KCNMB2: variants seen among roughly 807,000 people sequenced by gnomAD.
KCNMB2 encodes the protein calcium-activated potassium channel subunit beta-2.
Under a neutral mutation model 24.5 loss-of-function variants are expected in KCNMB2, and 9 were observed. The observed-to-expected ratio is 0.37, with a 90% CI of 0.22 to 0.64. The LOEUF is 0.64. Among genes scored for constraint, KCNMB2 ranks in the 30% least tolerant of loss-of-function variants. The pLI is 0.63. For missense variants in KCNMB2, 226 were observed against 284.3 expected (o/e 0.79, Z 1.47); for synonymous variants, 109 against 104.4 (o/e 1.04, Z -0.27).
chr3:178,598,813 A>T (rs930747512), intron 1 of KCNMB2, among the ~76,000 whole-genome samples: 1 of 152,080 alleles, frequency 6.6e-6, no homozygotes, highest in Admixed American at 6.6e-5. Flanking sequence ...CTTATGTGTC[A>T]TATTAAGAGG....
chr3:178,651,287 A>G (rs1560148840), intron 1 of KCNMB2, among the ~76,000 whole-genome samples: 1 of 152,258 alleles, frequency 6.6e-6, no homozygotes, highest in Non-Finnish European at 1.5e-5. Flanking sequence ...CACCAAACAG[A>G]GAGCCAAATC....
chr3:178,726,208 G>T (rs1722963317), intron 1 of KCNMB2, among the ~76,000 whole-genome samples: 1 of 151,754 alleles, frequency 6.6e-6, no homozygotes, highest in Admixed American at 6.6e-5. Context: ...CACCAAATAG[G>T]TTCCTTTATC....
In KCNMB2 at chr3:178,763,067, A is replaced by G. The variant is rs568701313; in HGVS notation, c.-67-44276A>G. ...TAAAGGCATGGAACTAGATGAGGTCATCTAGGAAGGAAGGATGTATAGATT... is the reference window on the plus strand; with the variant it reads ...TAAAGGCATGGAACTAGATGAGGTCGTCTAGGAAGGAAGGATGTATAGATT... On this transcript the variant is annotated intron_variant, in intron 1 of 4. Coordinates refer to ENST00000452583, the MANE Select transcript of KCNMB2 (RefSeq NM_181361.3). 5.3e-4 allele frequency among the ~76,000 whole-genome samples: 80 copies of G among 152,290 alleles called. 1 individual carries two copies. The South Asian group carries it at 0.016, about 30-fold the overall frequency.
intron 1 of KCNMB2, among the ~76,000 whole-genome samples, chr3:178,546,809 G>C (rs1715789269): frequency 6.6e-6 from 1 of 152,220 alleles, no homozygotes; most frequent in Non-Finnish European, 1.5e-5. Flanking sequence ...CTTTCCAAAG[G>C]TATCTATGAC....
rs1324497740 is a variant in KCNMB2 at position 178,842,792 on chromosome 3, C to T, written c.563C>T (p.Thr188Ile). Residue 188 changes from threonine to isoleucine, a missense_variant, in exon 5 of 5, where the codon ACA becomes ATA. Coordinates refer to ENST00000452583, the MANE Select transcript of KCNMB2 (RefSeq NM_181361.3). Reference sequence around the variant, plus strand: ...GGAAACCAGAAGAGTGTTATCCTAACAAAACTCTACAGTTCCAACGTGCTG... The same window carrying T: ...GGAAACCAGAAGAGTGTTATCCTAATAAAACTCTACAGTTCCAACGTGCTG... ...PEGNQKSVILTKLYSSNVLFH... is the reference protein window; with the variant it reads ...PEGNQKSVILIKLYSSNVLFH... 1 of 1,613,940 alleles carries T rather than the reference C, an allele frequency of 6.2e-7. No individual in the cohort carries two copies. Among genetic ancestry groups the T allele is most frequent in the African/African-American group, 1.3e-5 (1 of 75,008 alleles).
At position 178,639,473 on chromosome 3, in the gene KCNMB2, G is replaced by C. The variant is rs115598193; in HGVS notation, c.-68+102762G>C. Among the ~76,000 whole-genome samples the C allele has an allele frequency of 7.7e-3, 1,168 of 152,240 alleles. 15 individuals carry two copies. The highest frequency in any genetic ancestry group is 0.027 in the African/African-American group (1,130 of 41,548). ...GTTATTTACTACTAGTTGTGTTATC[G>C]TGAGCAAAGTATTTAACCTCTCTGA... On this transcript the variant is annotated intron_variant, in intron 1 of 4. Transcript: ENST00000452583.
chr3:178,821,629 T>G (rs1165982446), intron 2 of KCNMB2, among the ~76,000 whole-genome samples: 1 of 152,170 alleles, frequency 6.6e-6, no homozygotes, highest in Non-Finnish European at 1.5e-5. Flanking sequence ...GTACAATCAC[T>G]TTCTTCCTCT....
At chr3:178,731,769 G>A (rs1190181687) in intron 1 of KCNMB2, among the ~76,000 whole-genome samples, 1 of 152,184 alleles carries the variant, frequency 6.6e-6, no homozygotes, top group African/African-American at 2.4e-5. Flanking sequence ...CTGCCATGGT[G>A]GCACATGCCT....
intron 1 of KCNMB2, among the ~76,000 whole-genome samples, chr3:178,710,050 C>A (rs892422534): frequency 5.9e-5 from 9 of 152,146 alleles, no homozygotes; most frequent in African/African-American, 2.2e-4. Flanking sequence ...CTCTGAAGCT[C>A]CTGTGTGTAC....
chr3:178,761,692 A>T (rs560978716), intron 1 of KCNMB2, among the ~76,000 whole-genome samples: 2 of 152,300 alleles, frequency 1.3e-5, no homozygotes, highest in South Asian at 4.1e-4. Flanking sequence ...CTACTCAACA[A>T]GCATTCTTGC....
intron 1 of KCNMB2, among the ~76,000 whole-genome samples, chr3:178,674,254 T>C (rs962685393): frequency 2.0e-5 from 3 of 152,136 alleles, no homozygotes; most frequent in Admixed American, 1.3e-4. Flanking sequence ...TAAATACCTT[T>C]TGTAAACTCA....
intron 1 of KCNMB2, among the ~76,000 whole-genome samples, chr3:178,557,688 C>T (rs958706131): frequency 6.6e-6 from 1 of 152,034 alleles, no homozygotes; most frequent in Non-Finnish European, 1.5e-5. Context: ...AGAATAGTAA[C>T]GTTAATAGAG....
At chr3:178,712,036 G>A (rs916648957) in intron 1 of KCNMB2, among the ~76,000 whole-genome samples, 11 of 152,272 alleles carry the variant, frequency 7.2e-5, no homozygotes, top group African/African-American at 2.4e-4. Flanking sequence ...ACTGTGAGTA[G>A]GGAGTATCCA....
At position 178,689,056 on chromosome 3, in the gene KCNMB2, T is replaced by C. The variant is rs374055603; in HGVS notation, c.-67-118287T>C. 2.6e-4 allele frequency among the ~76,000 whole-genome samples: 40 copies of C among 152,238 alleles called. 1 individual carries two copies. The South Asian group carries it at 7.7e-3, about 29-fold the overall frequency. ...AAGTCAAATCAGTCTTTAGAGAAAATTGCTGTGTATTACAAAATTTTAAAC... is the reference window on the plus strand; with the variant it reads ...AAGTCAAATCAGTCTTTAGAGAAAACTGCTGTGTATTACAAAATTTTAAAC... On this transcript the variant is annotated intron_variant, in intron 1 of 4. Coordinates refer to ENST00000452583, the MANE Select transcript of KCNMB2 (RefSeq NM_181361.3).
intron 1 of KCNMB2, among the ~76,000 whole-genome samples, chr3:178,646,246 G>A (rs913425140): frequency 2.0e-5 from 3 of 152,126 alleles, no homozygotes; most frequent in African/African-American, 7.2e-5. Flanking sequence ...GAGAGCCCAA[G>A]GTTCATTTCA....
chr3:178,751,701 T>C (rs1178157761), intron 1 of KCNMB2, among the ~76,000 whole-genome samples: 1 of 151,886 alleles, frequency 6.6e-6, no homozygotes, highest in African/African-American at 2.4e-5. Flanking sequence ...AAATGTTTAT[T>C]TGGAGAGTGT....
At chr3:178,824,543 ATT>A (rs75113592) in intron 2 of KCNMB2, 50 of 152,420 alleles carry the variant, frequency 3.3e-4, no homozygotes, top group South Asian at 1.3e-3. Flanking sequence ...AATTTTTTGT[ATT>A]TTTTTTTTTT....
chr3:178,605,355 GCTA>G (rs1001642182), intron 1 of KCNMB2, among the ~76,000 whole-genome samples: 4 of 152,142 alleles, frequency 2.6e-5, no homozygotes, highest in Admixed American at 6.6e-5. Flanking sequence ...GTTTATAAAA[GCTA>G]CTTAGTCTGT....
intron 1 of KCNMB2, among the ~76,000 whole-genome samples, chr3:178,566,960 A>G (rs956832447): frequency 4.6e-5 from 7 of 152,334 alleles, no homozygotes; most frequent in African/African-American, 1.7e-4. Context: ...TATCTTTTGT[A>G]GCTGTAGGTA....
Sources: gnomAD v4.1 joint callset for allele counts (sites outside exome capture counted in the v4.1 genomes callset) on GRCh38, gnomAD v4.1.1 for gene constraint, MANE v1.5 for transcripts, NCBI Gene and HGNC (gene_info 2026-07-23, HGNC 2026-07-21) for gene names.